Variants in SGCZ observed in about 807,000 individuals in gnomAD.
SGCZ encodes the protein sarcoglycan zeta, also known as zeta-sarcoglycan.
SGCZ carries 40 observed loss-of-function variants against 41.3 expected under a neutral mutation model. That is an observed-to-expected ratio of 0.97 (90% confidence interval 0.75 to 1.26). SGCZ has a LOEUF of 1.26. Ranked by LOEUF, SGCZ falls within the 50% of genes most tolerant of loss-of-function variation. The pLI is 0.00. For missense variants in SGCZ, 552 were observed against 369.8 expected (o/e 1.49, Z -4.04); for synonymous variants, 206 against 137.5 (o/e 1.50, Z -3.49).
rs540861355 is a variant in SGCZ at position 14,477,624 on chromosome 8, A to G, written c.234+77108T>C. On this transcript the variant is annotated intron_variant, in intron 2 of 7. Transcript: ENST00000382080. ...ATACAAAAGGTTAATAAATGGCTCT[A>G]TTTAGCTAAGTCTAGTCTAATTACC... Among the ~76,000 whole-genome samples the G allele has an allele frequency of 5.3e-5, 8 of 152,290 alleles. No individual in the cohort carries two copies. The South Asian group carries it at 6.2e-4, about 12-fold the overall frequency.
rs570498614 is a variant in SGCZ, at chr8:14,325,501, A to C, written c.235-1297T>G. Among the ~76,000 whole-genome samples the C allele has an allele frequency of 1.9e-3, 276 of 147,894 alleles. 2 individuals carry two copies. The highest frequency in any genetic ancestry group is 2.8e-3 in the Non-Finnish European group (188 of 67,178). On this transcript the variant is annotated intron_variant, in intron 2 of 7. Coordinates refer to ENST00000382080, the MANE Select transcript of SGCZ (RefSeq NM_139167.4). ...AAATCATATATAATAGATTATATAT[A>C]ATCATAATCATATATAATAGATATA...
chr8:14,695,220 T>C (rs1808920685), intron 1 of SGCZ, among the ~76,000 whole-genome samples: 1 of 152,148 alleles, frequency 6.6e-6, no homozygotes, highest in Non-Finnish European at 1.5e-5. Flanking sequence ...CATAATGATG[T>C]ATTGCCATCA....
chr8:14,980,584 A>T (rs543490037), intron 1 of SGCZ, among the ~76,000 whole-genome samples: 3 of 152,318 alleles, frequency 2.0e-5, no homozygotes, highest in African/African-American at 7.2e-5. Context: ...GAAGGCACAG[A>T]GGAGCAAGTC....
intron 4 of SGCZ, among the ~76,000 whole-genome samples, chr8:14,232,498 T>G (rs1806606990): frequency 6.6e-6 from 1 of 152,128 alleles, no homozygotes; most frequent in Admixed American, 6.6e-5. Context: ...ATTTAAGCCC[T>G]AAGTTTCAAG....
In SGCZ at chr8:14,846,357, C is replaced by T. The variant is rs554195796; in HGVS notation, c.40-291431G>A. On this transcript the variant is annotated intron_variant, in intron 1 of 7. Coordinates refer to ENST00000382080, the MANE Select transcript of SGCZ (RefSeq NM_139167.4). ...AAGAGAAAAATCAATGGAATTGGAC[C>T]AAAAACTTAATATATACAATTAAAA... 2.2e-3 allele frequency among the ~76,000 whole-genome samples: 334 copies of T among 151,532 alleles called. 1 individual carries two copies. Among genetic ancestry groups the T allele is most frequent in the Admixed American group, 3.8e-3 (58 of 15,228 alleles).
intron 1 of SGCZ, among the ~76,000 whole-genome samples, chr8:14,792,859 C>A (rs1343720513): frequency 6.6e-6 from 1 of 152,098 alleles, no homozygotes; most frequent in Non-Finnish European, 1.5e-5. Flanking sequence ...TTGCTCCCAG[C>A]CTTCTCTTCG....
chr8:15,040,523 A>G (rs1804053724), intron 1 of SGCZ, among the ~76,000 whole-genome samples: 1 of 152,174 alleles, frequency 6.6e-6, no homozygotes, highest in African/African-American at 2.4e-5. Context: ...AGGCTAAGGC[A>G]GGAGAATCGC....
intron 1 of SGCZ, among the ~76,000 whole-genome samples, chr8:15,208,862 A>T (rs561256105): frequency 6.8e-6 from 1 of 146,634 alleles, no homozygotes; most frequent in Non-Finnish European, 1.5e-5. Flanking sequence ...ATTCCTATAT[A>T]TCCTAAATAT....
intron 1 of SGCZ, among the ~76,000 whole-genome samples, chr8:14,739,463 T>C (rs1233903464): frequency 6.6e-6 from 1 of 152,082 alleles, no homozygotes; most frequent in Non-Finnish European, 1.5e-5. Context: ...TAAGATTAGT[T>C]ATCCAGATTA....
At chr8:15,175,591 G>A (rs1197537489) in intron 1 of SGCZ, among the ~76,000 whole-genome samples, 2 of 151,964 alleles carry the variant, frequency 1.3e-5, no homozygotes, top group Non-Finnish European at 2.9e-5. Flanking sequence ...TGAATACAAG[G>A]CTTAATACCT....
chr8:14,496,732 C>A (rs768021624), intron 2 of SGCZ, among the ~76,000 whole-genome samples: 1 of 152,072 alleles, frequency 6.6e-6, no homozygotes, highest in Non-Finnish European at 1.5e-5. Context: ...TTTTCCCTAG[C>A]CATAGACAGG....
At chr8:14,599,874 CTT>C (rs1396518604) in intron 1 of SGCZ, among the ~76,000 whole-genome samples, 1 of 152,162 alleles carries the variant, frequency 6.6e-6, no homozygotes, top group East Asian at 1.9e-4. Context: ...ACTCCACACT[CTT>C]TACATTATCT....
chr8:14,842,429 G>C (rs758620395), intron 1 of SGCZ, among the ~76,000 whole-genome samples: 11 of 146,352 alleles, frequency 7.5e-5, no homozygotes, highest in Non-Finnish European at 1.2e-4. Context: ...GGAAAGAAAG[G>C]GAAGGGAAGG....
chr8:14,661,280 G>A (rs1312867004), intron 1 of SGCZ, among the ~76,000 whole-genome samples: 1 of 152,096 alleles, frequency 6.6e-6, no homozygotes, highest in African/African-American at 2.4e-5. Flanking sequence ...CGATAAGCAA[G>A]AATGCATGTT....
chr8:14,316,027 T>C (rs73666524), intron 3 of SGCZ, among the ~76,000 whole-genome samples: 7,514 of 151,876 alleles, frequency 0.049, 570 homozygotes, highest in African/African-American at 0.17. Flanking sequence ...ACAATTTTCA[T>C]ACAAAAATTA....
intron 7 of SGCZ, among the ~76,000 whole-genome samples, chr8:14,094,312 A>G (rs906597435): frequency 2.0e-5 from 3 of 151,622 alleles, no homozygotes; most frequent in Non-Finnish European, 4.4e-5. Context: ...GCCAGAGAGG[A>G]CCCAGATGTG....
intron 1 of SGCZ, among the ~76,000 whole-genome samples, chr8:14,939,321 C>G (rs1010156502): frequency 2.0e-5 from 3 of 152,080 alleles, no homozygotes; most frequent in African/African-American, 7.2e-5. Context: ...AAATCAAAAC[C>G]TAGCTCAAAC....
chr8:15,013,250 C>T (rs1198074916), intron 1 of SGCZ, among the ~76,000 whole-genome samples: 1 of 152,106 alleles, frequency 6.6e-6, no homozygotes, highest in Non-Finnish European at 1.5e-5. Context: ...TTCTCTCTGG[C>T]TGTACTGTAA....
rs1807582468 is a variant in SGCZ at position 14,656,542 on chromosome 8, TTTCCCTTTCTTTTTC to T, written c.40-101631_40-101617del. 2.9e-5 allele frequency among the ~76,000 whole-genome samples: 4 copies of T among 138,102 alleles called. No individual in the cohort carries two copies. The South Asian group carries it at 1.1e-3, about 37-fold the overall frequency. 90.6% of individuals were successfully genotyped at this position (138,102 alleles called of 152,430 possible). ...TTTTCTTTTCTTTCTTTTTTCTTTC[TTTCCCTTTCTTTTTC>T]TTTCTTTTCCTTCCCTGCTTCTTTT... On this transcript the variant is annotated intron_variant, in intron 1 of 7. Transcript: ENST00000382080.
Sources: allele counts gnomAD v4.1 joint callset (sites outside exome capture counted in the v4.1 genomes callset), GRCh38; gene constraint gnomAD v4.1.1; transcripts MANE v1.5; gene names NCBI Gene and HGNC (gene_info 2026-07-23, HGNC 2026-07-21).